MAPK8: variants seen among roughly 807,000 people sequenced by gnomAD.
MAPK8 encodes the protein JUN N-terminal kinase.
Under a neutral mutation model 52.9 loss-of-function variants are expected in MAPK8, and 13 were observed. The ratio of observed to expected loss-of-function variants is 0.25; its 90% confidence interval spans 0.16 to 0.39. The LOEUF (loss-of-function observed/expected upper bound fraction) is 0.39. MAPK8 is among the 10% of genes least tolerant of loss of function. MAPK8 has a pLI of 1.00. For missense variants in MAPK8, 300 were observed against 519.2 expected (o/e 0.58, Z 4.10); for synonymous variants, 191 against 169.8 (o/e 1.12, Z -0.97).
chr10:48,431,375 T>C, intron 11 of MAPK8, 105 bp downstream of exon 11: 1 of 741,202 alleles, frequency 1.3e-6, no homozygotes, highest in Non-Finnish European at 2.3e-6. Context: ...AAATCATTAT[T>C]ATTCCAGGCT....
intron 1 of MAPK8, among the ~76,000 whole-genome samples, chr10:48,357,783 C>T (rs897791219): frequency 6.6e-6 from 1 of 152,238 alleles, no homozygotes; most frequent in South Asian, 2.1e-4. Flanking sequence ...GTTGTGCATC[C>T]GTCACCACTG....
intron 1 of MAPK8, among the ~76,000 whole-genome samples, chr10:48,374,759 CA>C (rs1306803278): frequency 1.3e-5 from 2 of 151,862 alleles, no homozygotes; most frequent in Admixed American, 6.6e-5. Flanking sequence ...GCCTGCTAAC[CA>C]AAAAAAGCCC....
At chr10:48,406,959 C>T (rs548182480) in intron 3 of MAPK8, among the ~76,000 whole-genome samples, 2 of 152,312 alleles carry the variant, frequency 1.3e-5, no homozygotes, top group South Asian at 2.1e-4. Flanking sequence ...ATCTGACTCC[C>T]GTTGTCTTTC....
At chr10:48,396,081 G>C (rs767620118) in intron 1 of MAPK8, among the ~76,000 whole-genome samples, 17 of 151,580 alleles carry the variant, frequency 1.1e-4, no homozygotes, top group Non-Finnish European at 2.4e-4. Context: ...AATCCATAAA[G>C]GAGAAAAAAA....
At chr10:48,328,415 A>G (rs1438387661) in intron 1 of MAPK8, among the ~76,000 whole-genome samples, 2 of 150,514 alleles carry the variant, frequency 1.3e-5, no homozygotes, top group South Asian at 2.1e-4. Context: ...GTTGTCTCAC[A>G]TTTGGCCAGT....
intron 6 of MAPK8, among the ~76,000 whole-genome samples, chr10:48,422,907 A>G (rs1256170150): frequency 1.3e-5 from 2 of 152,212 alleles, no homozygotes; most frequent in Admixed American, 6.5e-5. Context: ...TAGAAAGTAC[A>G]GGCTTTAATT....
intron 11 of MAPK8, among the ~76,000 whole-genome samples, chr10:48,434,019 T>C (rs1427312411): frequency 1.3e-5 from 2 of 152,226 alleles, no homozygotes; most frequent in Admixed American, 6.5e-5. Context: ...GAGTTACCTT[T>C]AACTATCCTT....
At position 48,439,222 on chromosome 10, in the gene MAPK8, G is replaced by A. The variant is rs959836869; in HGVS notation, c.*4193G>A. 6.7e-6 allele frequency: 1 copy of A among 150,144 alleles called. No individual in the cohort carries two copies. The highest frequency in any genetic ancestry group is 1.5e-5 in the Non-Finnish European group (1 of 67,788). The allele number at this position is 150,144 out of a possible 1,614,324, so 9.3% of individuals were successfully genotyped here. A position where few individuals can be genotyped will look rare whatever the true frequency, so the allele number is the denominator to read the frequency against. ...TGGGGCACTTTTTAGGGAATGCTGAGATCATTATTGTGGTTTTTCATCATT... is the reference window on the plus strand; with the variant it reads ...TGGGGCACTTTTTAGGGAATGCTGAAATCATTATTGTGGTTTTTCATCATT... On this transcript the variant is annotated 3_prime_UTR_variant, in exon 12 of 12. Transcript: ENST00000374189.
chr10:48,399,859 C>G (rs561686485), intron 1 of MAPK8, among the ~76,000 whole-genome samples: 1 of 152,192 alleles, frequency 6.6e-6, no homozygotes, highest in Non-Finnish European at 1.5e-5. Context: ...GTTTAACCTT[C>G]CCAAAGGTGA....
chr10:48,324,413 G>A (rs2132182399), intron 1 of MAPK8, among the ~76,000 whole-genome samples: 1 of 150,744 alleles, frequency 6.6e-6, no homozygotes, highest in South Asian at 2.1e-4. Flanking sequence ...ACTTGTAACT[G>A]CTTTTTTCAA....
intron 10 of MAPK8, among the ~76,000 whole-genome samples, chr10:48,428,803 T>G (rs2043899328): frequency 1.3e-5 from 2 of 152,014 alleles, no homozygotes; most frequent in South Asian, 2.1e-4. Flanking sequence ...AATCTTGTGG[T>G]TTTTTTGGTT....
At chr10:48,331,242 A>C (rs374862971) in intron 1 of MAPK8, among the ~76,000 whole-genome samples, 1 of 152,150 alleles carries the variant, frequency 6.6e-6, no homozygotes, top group African/African-American at 2.4e-5. Flanking sequence ...CCAAATTCCC[A>C]CAAGGTAAGA....
intron 6 of MAPK8, among the ~76,000 whole-genome samples, chr10:48,422,021 A>ATTTG (rs1223186837): frequency 2.0e-5 from 3 of 149,396 alleles, no homozygotes; most frequent in Non-Finnish European, 4.4e-5. Context: ...TTATTTATTT[A>ATTTG]TTTATTTATT....
At chr10:48,356,458 A>G (rs1846951301) in intron 1 of MAPK8, among the ~76,000 whole-genome samples, 2 of 152,214 alleles carry the variant, frequency 1.3e-5, no homozygotes, top group African/African-American at 4.8e-5. Flanking sequence ...AAACAACGTG[A>G]TGGATATAAA....
At chr10:48,311,678 C>G (rs1184050754) in intron 1 of MAPK8, among the ~76,000 whole-genome samples, 1 of 152,108 alleles carries the variant, frequency 6.6e-6, no homozygotes, top group Non-Finnish European at 1.5e-5. Context: ...ACCTGGTAAC[C>G]ACAACAATTC....
intron 1 of MAPK8, among the ~76,000 whole-genome samples, chr10:48,366,546 A>T (rs1442419221): frequency 2.6e-5 from 4 of 152,244 alleles, no homozygotes; most frequent in Non-Finnish European, 5.9e-5. Context: ...TAACTTGTTT[A>T]CACATCAAGC....
Position 48,343,770 on chromosome 10 carries a change from G to T in MAPK8, c.-50+36949G>T, listed in dbSNP as rs566677575. On this transcript the variant is annotated intron_variant, in intron 1 of 11. Coordinates refer to ENST00000374189, the MANE Select transcript of MAPK8 (RefSeq NM_001323329.2). ...AGATTGAAATTTTGAAAAGAATGGA[G>T]AAAATTTTGTGTTGGAGAGAATGGA... 3.4e-4 allele frequency among the ~76,000 whole-genome samples: 52 copies of T among 152,296 alleles called. No homozygotes were observed. In the Middle Eastern group the frequency reaches 0.01, roughly 30 times the overall value.
At position 48,352,457 on chromosome 10, in the gene MAPK8, A is replaced by C. The variant is rs190051054; in HGVS notation, c.-50+45636A>C. ...AAGTGGACTTTATTTTGGGAATGCA[A>C]GATTGATTCAACATTTGAAAATCTG... On this transcript the variant is annotated intron_variant, in intron 1 of 11. Coordinates refer to ENST00000374189, the MANE Select transcript of MAPK8 (RefSeq NM_001323329.2). Among the ~76,000 whole-genome samples, 3 of 152,322 alleles carry C rather than the reference A, an allele frequency of 2.0e-5. No individual in the cohort carries two copies. The East Asian group carries it at 5.8e-4, about 29-fold the overall frequency.
chr10:48,381,314 A>G (rs188098341), intron 1 of MAPK8, among the ~76,000 whole-genome samples: 77 of 152,244 alleles, frequency 5.1e-4, no homozygotes, highest in African/African-American at 1.8e-3. Flanking sequence ...ACAATCTTTA[A>G]CCTCTAAACT....
Sources: gnomAD v4.1 joint callset for allele counts (sites outside exome capture counted in the v4.1 genomes callset) on GRCh38, gnomAD v4.1.1 for gene constraint, MANE v1.5 for transcripts, NCBI Gene and HGNC (gene_info 2026-07-23, HGNC 2026-07-21) for gene names.